Variants in ZNF407 observed in about 807,000 individuals in gnomAD.
ZNF407 encodes the protein zinc finger protein 407.
In ZNF407, 17 loss-of-function variants were observed where a neutral mutation model predicts 131.2. The ratio of observed to expected loss-of-function variants is 0.13; its 90% CI spans 0.09 to 0.19. The LOEUF (loss-of-function observed/expected upper bound fraction) is 0.19, where lower values mean the gene tolerates loss of function less well. Among genes scored for constraint, ZNF407 ranks in the 10% least tolerant of loss-of-function variants. The probability of loss-of-function intolerance (pLI) is 1.00; values close to 1 mark genes in which losing one functional copy is unlikely to be tolerated. For synonymous variants in ZNF407, 1,156 were observed against 1,062.0 expected, an observed-to-expected ratio of 1.09 and a Z score of -1.72; for missense variants, 2,681 against 2,830.6, an observed-to-expected ratio of 0.95 and a Z score of 1.20.
intron 4 of ZNF407, among the ~76,000 whole-genome samples, chr18:74,852,962 G>A (rs116922418): frequency 3.9e-5 from 6 of 152,076 alleles, no homozygotes; most frequent in Admixed American, 3.9e-4. Flanking sequence ...TTCTTTAATG[G>A]ATTAGTCAAA....
intron 7 of ZNF407, chr18:74,898,518 T>A (rs1971482728): frequency 6.6e-6 from 1 of 152,254 alleles, no homozygotes. Flanking sequence ...AATAACGCAG[T>A]GTGTAACCTG....
At chr18:74,769,679 G>A (rs1022048506) in intron 3 of ZNF407, among the ~76,000 whole-genome samples, 4 of 152,096 alleles carry the variant, frequency 2.6e-5, no homozygotes, top group Non-Finnish European at 4.4e-5. Context: ...GGCCATGTTG[G>A]CCTAGACTAG....
intron 4 of ZNF407, among the ~76,000 whole-genome samples, chr18:74,849,712 C>T (rs562610489): frequency 2.6e-5 from 4 of 152,264 alleles, no homozygotes; most frequent in African/African-American, 9.6e-5. Context: ...GAGAAAGAGA[C>T]GAAGGAGATT....
chr18:74,980,450 C>T (rs996668214), intron 8 of ZNF407, among the ~76,000 whole-genome samples: 1 of 151,958 alleles, frequency 6.6e-6, no homozygotes, highest in African/African-American at 2.4e-5. Flanking sequence ...GATACAGGCA[C>T]CCACTACCAC....
At chr18:74,691,364 A>G (rs1182731849) in intron 3 of ZNF407, among the ~76,000 whole-genome samples, 1 of 151,672 alleles carries the variant, frequency 6.6e-6, no homozygotes, top group African/African-American at 2.4e-5. Context: ...AATATTCCTT[A>G]TTTTATTATA....
chr18:74,802,670 T>C (rs1970039741), intron 4 of ZNF407, among the ~76,000 whole-genome samples: 1 of 152,220 alleles, frequency 6.6e-6, no homozygotes, highest in South Asian at 2.1e-4. Flanking sequence ...TTGTGAAATA[T>C]TCTAAGTGTT....
At chr18:74,706,094 T>C (rs971644017) in intron 3 of ZNF407, among the ~76,000 whole-genome samples, 4 of 152,208 alleles carry the variant, frequency 2.6e-5, no homozygotes, top group Admixed American at 6.5e-5. Flanking sequence ...TGGTTAGTCA[T>C]TGTCATGGAA....
intron 8 of ZNF407, among the ~76,000 whole-genome samples, chr18:75,019,466 G>A (rs1973081545): frequency 6.6e-6 from 1 of 152,064 alleles, no homozygotes; most frequent in African/African-American, 2.4e-5. Flanking sequence ...ATAGTAAATG[G>A]AAAATTCCAG....
rs865888484 is a variant in ZNF407 at position 74,910,604 on chromosome 18, C to T, written c.5250-9910C>T. ...ATTGTGAAGCCTCTTTAACTTATCA[C>T]GGAAGAATTTAACCCGCTATGTAGT... On this transcript the variant is annotated intron_variant, in intron 7 of 8. Coordinates refer to ENST00000299687, the MANE Select transcript of ZNF407 (RefSeq NM_017757.3). Among the ~76,000 whole-genome samples, 9 of 152,182 alleles carry T rather than the reference C, an allele frequency of 5.9e-5. No homozygotes were observed. In the Middle Eastern group the frequency reaches 0.014, roughly 230 times the overall value.
chr18:75,064,700 G>T lies in ZNF407; in HGVS notation c.*232G>T. On this transcript the variant is annotated 3_prime_UTR_variant, in exon 9 of 9. Transcript: ENST00000299687. ...GGCTGCCAAGTGCAGGGGAGGGCCG[G>T]GCGCAGGCCGCACAGGGAGCTCCGG... is the stretch of plus-strand genomic sequence containing the variant. 1 of 444,922 alleles carries T rather than the reference G, an allele frequency of 2.2e-6. No individual in the cohort carries two copies. 27.6% of individuals were successfully genotyped at this position (444,922 alleles called of 1,614,324 possible). A position where few individuals can be genotyped will look rare whatever the true frequency, so the allele number is the denominator to read the frequency against.
chr18:74,781,343 A>G, intron 3 of ZNF407, 85 bp from the exon 4 acceptor site: 1 of 926,524 alleles, frequency 1.1e-6, no homozygotes, highest in Non-Finnish European at 1.6e-6. Context: ...GTTTGCATAT[A>G]TATATTATTC....
intron 3 of ZNF407, among the ~76,000 whole-genome samples, chr18:74,777,222 T>C (rs964479378): frequency 6.8e-6 from 1 of 147,200 alleles, no homozygotes; most frequent in African/African-American, 2.6e-5. Flanking sequence ...TAAAATAAGA[T>C]TTTTTTTTTT....
intron 8 of ZNF407, among the ~76,000 whole-genome samples, chr18:75,001,078 A>C (rs1456667182): frequency 6.6e-6 from 1 of 152,146 alleles, no homozygotes; most frequent in African/African-American, 2.4e-5. Context: ...TGCCTATCAC[A>C]TGATGTCCCA....
chr18:74,623,355 C>A (rs75932256), intron 1 of ZNF407, among the ~76,000 whole-genome samples: 5 of 137,106 alleles, frequency 3.6e-5, no homozygotes, highest in Admixed American at 2.2e-4. Flanking sequence ...TGTGAGTGCG[C>A]GTGTGCGTCT....
chr18:75,045,884 A>C (rs1973429896), intron 8 of ZNF407, among the ~76,000 whole-genome samples: 1 of 152,178 alleles, frequency 6.6e-6, no homozygotes, highest in Admixed American at 6.5e-5. Flanking sequence ...TTGCTGTGTA[A>C]GTCCCAGAAT....
At chr18:74,946,506 CAG>C (rs1972155220) in intron 8 of ZNF407, among the ~76,000 whole-genome samples, 1 of 152,156 alleles carries the variant, frequency 6.6e-6, no homozygotes, top group African/African-American at 2.4e-5. Context: ...AAATGAATCA[CAG>C]GGGAGAAAAT....
intron 8 of ZNF407, among the ~76,000 whole-genome samples, chr18:75,045,319 A>G (rs772263959): frequency 4.6e-5 from 7 of 152,226 alleles, no homozygotes; most frequent in Non-Finnish European, 1.0e-4. Flanking sequence ...TAACTGAACC[A>G]TTCAATTTGC....
chr18:74,908,056 T>G (rs1125608), intron 7 of ZNF407, among the ~76,000 whole-genome samples: 74,390 of 152,006 alleles, frequency 0.49, 20,677 homozygotes, highest in Non-Finnish European at 0.61. Context: ...TTTCTGAGAT[T>G]TTTATCTTTT....
chr18:74,857,946 T>TCCTTCCCCA (rs1970883196), intron 4 of ZNF407, among the ~76,000 whole-genome samples: 1 of 106,762 alleles, frequency 9.4e-6, no homozygotes, highest in African/African-American at 3.7e-5. Context: ...CCCCTCCCCT[T>TCCTTCCCCA]CCTTCCCCAC....
Sources: allele counts gnomAD v4.1 joint callset (sites outside exome capture counted in the v4.1 genomes callset), GRCh38; gene constraint gnomAD v4.1.1; transcripts MANE v1.5; gene names NCBI Gene and HGNC (gene_info 2026-07-23, HGNC 2026-07-21).